The following RCAN3 variants were observed in gnomAD, a reference collection of about 807,000 sequenced individuals.
RCAN3 encodes the protein regulator of calcineurin 3, also known as calcipressin-3.
In RCAN3, 19 loss-of-function variants were observed where a neutral mutation model predicts 21.9. The ratio of observed to expected loss-of-function variants is 0.87; its 90% confidence interval spans 0.61 to 1.27. RCAN3 has a LOEUF of 1.27. RCAN3 is among the 50% of genes most tolerant of loss of function. The probability of loss-of-function intolerance (pLI) is 0.00; values close to 1 mark genes in which losing one functional copy is unlikely to be tolerated. For missense variants in RCAN3, 240 were observed against 300.1 expected (o/e 0.80, Z 1.48); for synonymous variants, 114 against 112.3 (o/e 1.01, Z -0.09).
chr1:24,503,041 T>C lies in RCAN3; in HGVS notation c.-169T>C. On this transcript the variant is annotated 5_prime_UTR_variant, in exon 1 of 5. Coordinates refer to ENST00000374395, the MANE Select transcript of RCAN3 (RefSeq NM_013441.4). ...GGCCCCGCAGCTCGCGCCGTCCGGC[T>C]CCCCGCAGCCCCGTCGGGCAGCCCG... 1 of 148,258 alleles carries C rather than the reference T, an allele frequency of 6.7e-6. No individual in the cohort carries two copies. Among genetic ancestry groups the C allele is most frequent in the East Asian group, 2.0e-4 (1 of 5,030 alleles). 9.2% of individuals were successfully genotyped at this position (148,258 alleles called of 1,614,324 possible).
In RCAN3 at chr1:24,539,664, A is replaced by G. The variant is rs914258423; in HGVS notation, c.*4387A>G. On this transcript the variant is annotated 3_prime_UTR_variant, in exon 5 of 5. Transcript: ENST00000374395. Reference sequence around the variant, plus strand: ...AAGGCTTCATATTTTTATACAGACTATTTCACAGACCATAGATTTATTTTA... The same window carrying G: ...AAGGCTTCATATTTTTATACAGACTGTTTCACAGACCATAGATTTATTTTA... 1.2e-4 allele frequency: 18 copies of G among 152,324 alleles called. No homozygotes were observed. The highest frequency in any genetic ancestry group is 9.8e-4 in the Admixed American group (15 of 15,300). 9.4% of individuals were successfully genotyped at this position (152,324 alleles called of 1,614,324 possible). A position where few individuals can be genotyped will look rare whatever the true frequency, so the allele number is the denominator to read the frequency against.
rs1183581924 is a variant in RCAN3 at position 24,539,901 on chromosome 1, T to G, written c.*4624T>G. ...ACTAAAAGAAACAAATTATTTATAA[T>G]TGGGGTGACAATATAAAGGAACAAA... On this transcript the variant is annotated 3_prime_UTR_variant, in exon 5 of 5. Transcript: ENST00000374395. 1.3e-5 allele frequency: 2 copies of G among 152,184 alleles called. No individual in the cohort carries two copies. The highest frequency in any genetic ancestry group is 4.8e-5 in the African/African-American group (2 of 41,448). The allele number at this position is 152,184 out of a possible 1,614,324, so 9.4% of individuals were successfully genotyped here. A position where few individuals can be genotyped will look rare whatever the true frequency, so the allele number is the denominator to read the frequency against.
chr1:24,521,386 A>G (rs866779548), intron 2 of RCAN3, among the ~76,000 whole-genome samples: 1 of 152,278 alleles, frequency 6.6e-6, no homozygotes, highest in South Asian at 2.1e-4. Flanking sequence ...AAACGTAGTG[A>G]GACCCCATCT....
chr1:24,537,923 T>TTGA lies in RCAN3; in HGVS notation c.*2648_*2650dup, dbSNP rs1181904776. 6.6e-6 allele frequency: 1 copy of TTGA among 152,164 alleles called. No homozygotes were observed. The allele number at this position is 152,164 out of a possible 1,614,324, so 9.4% of individuals were successfully genotyped here. ...TCAAAAAAAAAAGATTTAACCCTGA[T>TTGA]TGATAGTATAGTAGCCATGTTTTCT... On this transcript the variant is annotated 3_prime_UTR_variant, in exon 5 of 5. Transcript: ENST00000374395.
At chr1:24,511,018 T>C (rs891495152) in intron 1 of RCAN3, among the ~76,000 whole-genome samples, 3 of 152,024 alleles carry the variant, frequency 2.0e-5, no homozygotes, top group Admixed American at 6.6e-5. Flanking sequence ...ACAACAAATA[T>C]TAAGAACACC....
Position 24,509,230 on chromosome 1 carries a change from A to G in RCAN3, c.-59-5084A>G, listed in dbSNP as rs541266755. Among the ~76,000 whole-genome samples the G allele has an allele frequency of 2.0e-5, 3 of 152,290 alleles. No individual in the cohort carries two copies. In the South Asian group the frequency reaches 6.2e-4, roughly 32 times the overall value. On this transcript the variant is annotated intron_variant, in intron 1 of 4. Transcript: ENST00000374395. ...GGTGGAAGATCTTGCCTTGAGGTTG[A>G]TGGCTGCTGACTGATCAGGGTGGTG...
intron 2 of RCAN3, among the ~76,000 whole-genome samples, chr1:24,520,075 C>G (rs1648667511): frequency 6.6e-6 from 1 of 152,144 alleles, no homozygotes; most frequent in African/African-American, 2.4e-5. Context: ...TCTAGCATAG[C>G]CTTCAGCCCA....
chr1:24,512,120 C>A (rs952329105), intron 1 of RCAN3, among the ~76,000 whole-genome samples: 3 of 151,934 alleles, frequency 2.0e-5, no homozygotes, highest in African/African-American at 7.2e-5. Flanking sequence ...GAGGCCGAGG[C>A]GGGCGGATAA....
chr1:24,526,015 G>A (rs1649224569), intron 2 of RCAN3, among the ~76,000 whole-genome samples: 1 of 152,144 alleles, frequency 6.6e-6, no homozygotes, highest in Admixed American at 6.6e-5. Flanking sequence ...GGGGAAAATG[G>A]GTGTGGAGGA....
rs979443832 is a variant in RCAN3 at position 24,525,886 on chromosome 1, G to C, written c.196-5332G>C. 6.6e-6 allele frequency among the ~76,000 whole-genome samples: 1 copy of C among 152,106 alleles called. No homozygotes were observed. Among genetic ancestry groups the C allele is most frequent in the African/African-American group, 2.4e-5 (1 of 41,408 alleles). ...GGGCAAAGCTACCAGCTGAGGGCTC[G>C]TAACCATTTTTCACAAATAGGAAAC... On this transcript the variant is annotated intron_variant, in intron 2 of 4. Coordinates refer to ENST00000374395, the MANE Select transcript of RCAN3 (RefSeq NM_013441.4). This position sits in a 1 kb window ranked among gnomAD's most constrained non-coding sequence, Gnocchi z 4.1.
Position 24,515,867 on chromosome 1 carries a change from G to A in RCAN3, c.195+1300G>A, listed in dbSNP as rs536840801. ...CCTTTAGAAACACTTGAAAGTGGCC[G>A]GGCGTGGTGGCTCATGCTTGTAGTC... On this transcript the variant is annotated intron_variant, in intron 2 of 4. Transcript: ENST00000374395. 4.8e-4 allele frequency among the ~76,000 whole-genome samples: 73 copies of A among 152,246 alleles called. 1 individual carries two copies. The highest frequency in any genetic ancestry group is 1.5e-3 in the African/African-American group (64 of 41,548).
chr1:24,503,931 A>C (rs1647260215), intron 1 of RCAN3, among the ~76,000 whole-genome samples: 1 of 152,240 alleles, frequency 6.6e-6, no homozygotes, highest in Non-Finnish European at 1.5e-5. Context: ...GTGATTACAT[A>C]CGATGTAAAG....
At chr1:24,532,753 C>CGAT (rs1649872697) in intron 3 of RCAN3, among the ~76,000 whole-genome samples, 1 of 150,452 alleles carries the variant, frequency 6.6e-6, no homozygotes, top group Non-Finnish European at 1.5e-5. Flanking sequence ...TCGAGACCAT[C>CGAT]CTGGCTAACA....
chr1:24,520,428 CA>C (rs1330799308), intron 2 of RCAN3, among the ~76,000 whole-genome samples: 1 of 152,096 alleles, frequency 6.6e-6, no homozygotes, highest in Non-Finnish European at 1.5e-5. Flanking sequence ...AAGGGGAAGA[CA>C]TCCGTATCTA....
intron 2 of RCAN3, among the ~76,000 whole-genome samples, chr1:24,517,272 G>A (rs1648415756): frequency 6.6e-6 from 1 of 151,956 alleles, no homozygotes; most frequent in Non-Finnish European, 1.5e-5. Flanking sequence ...ATGCCACAAT[G>A]CCCGGCTAAT....
chr1:24,521,577 G>A (rs1303664005), intron 2 of RCAN3, among the ~76,000 whole-genome samples: 3 of 152,192 alleles, frequency 2.0e-5, no homozygotes, highest in Admixed American at 6.6e-5. Flanking sequence ...GCTGGGCAAA[G>A]TGGCTCACGC....
In RCAN3 at chr1:24,527,974, TACTC is replaced by T. The variant is rs1166635219; in HGVS notation, c.196-3242_196-3239del. On this transcript the variant is annotated intron_variant, in intron 2 of 4. Transcript: ENST00000374395. ...TCTTTTTCTCTAGTCCATCTCAAAA[TACTC>T]AGGAGATATACACGTACTGCAAATT... 5.9e-5 allele frequency among the ~76,000 whole-genome samples: 9 copies of T among 152,122 alleles called. No homozygotes were observed. In the South Asian group the frequency reaches 8.3e-4, roughly 14 times the overall value.
intron 1 of RCAN3, among the ~76,000 whole-genome samples, chr1:24,513,572 G>A (rs1398339041): frequency 6.6e-6 from 1 of 151,956 alleles, no homozygotes; most frequent in Non-Finnish European, 1.5e-5. Flanking sequence ...CATGAAAATC[G>A]CTTGAACCCG....
intron 4 of RCAN3, 90 bp downstream of exon 4, chr1:24,533,344 T>C (rs1649955321): frequency 9.2e-7 from 1 of 1,084,004 alleles, no homozygotes; most frequent in Non-Finnish European, 1.3e-6. Flanking sequence ...GCAGTATGAT[T>C]AGAGCAGAGG....
Sources: allele counts gnomAD v4.1 joint callset (sites outside exome capture counted in the v4.1 genomes callset), GRCh38; gene constraint gnomAD v4.1.1; non-coding constraint Gnocchi (gnomAD v3.1); transcripts MANE v1.5; gene names NCBI Gene and HGNC (gene_info 2026-07-23, HGNC 2026-07-21).